Variants in HEATR4 observed in about 807,000 individuals in gnomAD.
The protein encoded by HEATR4 is HEAT repeat-containing protein 4.
Under a neutral mutation model 108.8 loss-of-function variants are expected in HEATR4, and 95 were observed. The ratio of observed to expected loss-of-function variants is 0.87; its 90% CI spans 0.74 to 1.04. HEATR4 has a LOEUF of 1.04. Among genes scored for constraint, HEATR4 ranks in the 50% least tolerant of loss-of-function variants. HEATR4 has a pLI of 0.00. For synonymous variants in HEATR4, 443 were observed against 459.4 expected (o/e 0.96, Z 0.46); for missense variants, 1,152 against 1,253.8 (o/e 0.92, Z 1.23).
At chr14:73,568,620 A>C in the HEATR4 span, among the ~76,000 whole-genome samples, 1 of 151,992 alleles carries the variant, frequency 6.6e-6, no homozygotes, top group African/African-American at 2.4e-5. Flanking sequence ...AACCAGTAAA[A>C]CAAAATAATA....
At chr14:73,538,338 G>A (rs114234948) in intron 1 of HEATR4, among the ~76,000 whole-genome samples, 1 of 114,526 alleles carries the variant, frequency 8.7e-6, no homozygotes, top group African/African-American at 2.8e-5. Context: ...TAAGGGCTGG[G>A]CGCGCTGGCT....
the HEATR4 span, among the ~76,000 whole-genome samples, chr14:73,593,363 G>A: frequency 6.7e-4 from 74 of 109,860 alleles, no homozygotes; most frequent in African/African-American, 2.4e-3. Context: ...TTTTGAGACA[G>A]TGTCTGTCTC....
chr14:73,493,265 T>C (rs772020820), intron 16 of HEATR4, 141 bp from the exon 17 acceptor site: 9 of 660,518 alleles, frequency 1.4e-5, no homozygotes, highest in Admixed American at 3.2e-5. Context: ...GAGACAGATA[T>C]TAGATTTTTT....
chr14:73,579,907 A>G, the HEATR4 span, among the ~76,000 whole-genome samples: 1 of 151,998 alleles, frequency 6.6e-6, no homozygotes, highest in Non-Finnish European at 1.5e-5. Context: ...AGCCTGGCCA[A>G]CATGGTAAAA....
the HEATR4 span, among the ~76,000 whole-genome samples, chr14:73,629,725 A>C: frequency 1.3e-5 from 2 of 151,986 alleles, no homozygotes; most frequent in African/African-American, 4.8e-5. Context: ...GCTCACTGCA[A>C]GCTCTGCCTC....
the HEATR4 span, among the ~76,000 whole-genome samples, chr14:73,578,624 AAACT>A: frequency 2.0e-5 from 3 of 152,046 alleles, no homozygotes; most frequent in Admixed American, 6.6e-5. Flanking sequence ...AAAGTTCATT[AAACT>A]AACATGCTCC....
At chr14:73,491,901 C>A in intron 17 of HEATR4, 1 of 1,612,172 alleles carries the variant, frequency 6.2e-7, no homozygotes, top group Non-Finnish European at 8.5e-7. Flanking sequence ...GCCGGCTGCT[C>A]CCTGCGTCTC....
At chr14:73,547,163 ATGAGGTCAGGAGCT>A (rs1889246475) in intron 1 of HEATR4, among the ~76,000 whole-genome samples, 1 of 112,678 alleles carries the variant, frequency 8.9e-6, no homozygotes, top group African/African-American at 2.8e-5. Context: ...TGAGTGGATC[ATGAGGTCAGGAGCT>A]TGAGACCAGC....
upstream of HEATR4, chr14:73,558,960 A>G (rs888446186): frequency 2.6e-5 from 4 of 151,840 alleles, no homozygotes; most frequent in East Asian, 7.7e-4. Context: ...AGCTGTTTCT[A>G]TCAGTCTCCA....
intron 16 of HEATR4, among the ~76,000 whole-genome samples, chr14:73,493,710 T>G (rs1018768569): frequency 1.3e-5 from 2 of 152,134 alleles, no homozygotes; most frequent in African/African-American, 4.8e-5. Flanking sequence ...TAGTGGTGCG[T>G]GCCTGTAATC....
the HEATR4 span, among the ~76,000 whole-genome samples, chr14:73,589,083 C>T: frequency 6.6e-6 from 1 of 152,168 alleles, no homozygotes; most frequent in Non-Finnish European, 1.5e-5. Flanking sequence ...CCTTCACTGA[C>T]ATACCATTAT....
At chr14:73,496,200 T>G in intron 15 of HEATR4, among the ~76,000 whole-genome samples, 1 of 151,976 alleles carries the variant, frequency 6.6e-6, no homozygotes, top group Admixed American at 6.6e-5. Flanking sequence ...AAAACCCAGA[T>G]TAGGAATTCA....
intron 2 of HEATR4, among the ~76,000 whole-genome samples, chr14:73,528,348 C>T (rs530958750): frequency 3.5e-5 from 5 of 142,022 alleles, no homozygotes; most frequent in Middle Eastern, 3.9e-3. Flanking sequence ...GCCAAGATCG[C>T]GCCACTGGAC....
intron 10 of HEATR4, among the ~76,000 whole-genome samples, chr14:73,504,872 G>A (rs541309785): frequency 1.3e-5 from 2 of 152,126 alleles, no homozygotes; most frequent in African/African-American, 2.4e-5. Flanking sequence ...TGGCAAAAAC[G>A]AAGTGTTGCC....
At chr14:73,593,336 C>CTTTTTTTTTTTTTTTTTTTTTT in the HEATR4 span, among the ~76,000 whole-genome samples, 2 of 104,872 alleles carry the variant, frequency 1.9e-5, no homozygotes, top group Non-Finnish European at 3.6e-5. Context: ...TTCTTTCTTT[C>CTTTTTTTTTTTTTTTTTTTTTT]TTTTTTTTTT....
At position 73,543,739 on chromosome 14, in the gene HEATR4, C is replaced by G; in HGVS notation, c.-151-13495G>C. 4 of 753,958 alleles carry G rather than the reference C, an allele frequency of 5.3e-6. 2 individuals carry two copies. Among genetic ancestry groups the G allele is most frequent in the Non-Finnish European group, 7.1e-6 (4 of 562,628 alleles). The allele number at this position is 753,958 out of a possible 1,614,324, so 46.7% of individuals were successfully genotyped here. ...TTTAGTGTGTGTATGTGTATTCATTCTTTCTCATAACTTCTTAAAGTTTCT... is the reference window on the plus strand; with the variant it reads ...TTTAGTGTGTGTATGTGTATTCATTGTTTCTCATAACTTCTTAAAGTTTCT... On this transcript the variant is annotated intron_variant, in intron 1 of 17. Transcript: ENST00000553558.
chr14:73,592,753 T>G, the HEATR4 span, among the ~76,000 whole-genome samples: 1 of 152,036 alleles, frequency 6.6e-6, no homozygotes, highest in Non-Finnish European at 1.5e-5. Context: ...CTCGGGAGGC[T>G]GAGGCACGAG....
the HEATR4 span, chr14:73,571,779 C>G: frequency 6.6e-6 from 1 of 152,054 alleles, no homozygotes; most frequent in Non-Finnish European, 1.5e-5. Flanking sequence ...ATTTTTGCAA[C>G]TTTTCTTTGA....
In HEATR4 at chr14:73,522,313, C is replaced by T; in HGVS notation, c.840G>A (p.Gln280=). ...FEDQSVILPP[Q]EKKKPELLLP... is the part of the protein sequence containing the mutation. ...GCAGCAGTTCTGGCTTCTTCTTTTC[C>T]TGTGGGGGCAGGATGACACTTTGAT... Residue 280 remains glutamine, a synonymous_variant, in exon 3 of 18, where the codon CAG becomes CAA. Transcript: ENST00000553558. 2 of 1,614,206 alleles carry T rather than the reference C, an allele frequency of 1.2e-6. No individual in the cohort carries two copies. Among genetic ancestry groups the T allele is most frequent in the African/African-American group, 2.7e-5 (2 of 75,048 alleles).
Sources: allele counts gnomAD v4.1 joint callset (sites outside exome capture counted in the v4.1 genomes callset), GRCh38; gene constraint gnomAD v4.1.1; transcripts MANE v1.5; gene names NCBI Gene and HGNC (gene_info 2026-07-23, HGNC 2026-07-21).